The following PHC3 variants were observed in gnomAD, a reference collection of about 807,000 sequenced individuals.
PHC3 encodes polyhomeotic-like protein 3.
Under a neutral mutation model 107.4 loss-of-function variants are expected in PHC3, and 13 were observed. The observed-to-expected ratio is 0.12, with a 90% confidence interval of 0.08 to 0.19. The LOEUF is 0.19. PHC3 is among the 10% of genes least tolerant of loss of function. The pLI is 1.00. For synonymous variants in PHC3, 456 were observed against 427.4 expected (o/e 1.07, Z -0.83); for missense variants, 992 against 1,210.9 (o/e 0.82, Z 2.68).
chr3:170,152,594 T>C (rs1241173543), intron 4 of PHC3, among the ~76,000 whole-genome samples: 2 of 151,984 alleles, frequency 1.3e-5, no homozygotes, highest in African/African-American at 4.8e-5. Context: ...CCATTCCCTC[T>C]CAGTCTTCTT....
intron 4 of PHC3, among the ~76,000 whole-genome samples, chr3:170,162,966 C>A (rs1728128051): frequency 6.8e-6 from 1 of 147,594 alleles, no homozygotes; most frequent in African/African-American, 2.4e-5. Context: ...ATGGCATATT[C>A]CCCCATTGCT....
chr3:170,167,380 T>A (rs1728896699), intron 4 of PHC3, among the ~76,000 whole-genome samples: 1 of 152,230 alleles, frequency 6.6e-6, no homozygotes, highest in South Asian at 2.1e-4. Flanking sequence ...GCTCCCAAAG[T>A]GTTGGGATTA....
rs1464543383 is a variant in PHC3 at position 170,094,623 on chromosome 3, G to A, written c.*2607C>T. On this transcript the variant is annotated 3_prime_UTR_variant, in exon 15 of 15. Transcript: ENST00000495893. Reference sequence around the variant, plus strand: ...TATATATCCATTATATATAGCTGAAGCTTTGAAATTAAGATGATTAACTCA... The same window carrying A: ...TATATATCCATTATATATAGCTGAAACTTTGAAATTAAGATGATTAACTCA... 1 of 152,128 alleles carries A rather than the reference G, an allele frequency of 6.6e-6. No homozygotes were observed. Among genetic ancestry groups the A allele is most frequent in the African/African-American group, 2.4e-5 (1 of 41,434 alleles). 9.4% of individuals were successfully genotyped at this position (152,128 alleles called of 1,614,324 possible).
intron 8 of PHC3, among the ~76,000 whole-genome samples, chr3:170,126,528 A>ATATATATATATATATAT (rs370421296): frequency 3.3e-5 from 3 of 90,636 alleles, no homozygotes; most frequent in African/African-American, 1.3e-4. Context: ...ATATATATAT[A>ATATATATATATATATAT]TTTTTTTTTT....
At chr3:170,098,998 T>C (rs1426004536) in intron 14 of PHC3, among the ~76,000 whole-genome samples, 1 of 152,164 alleles carries the variant, frequency 6.6e-6, no homozygotes, top group Non-Finnish European at 1.5e-5. Context: ...TCCTTCTTTT[T>C]ATGAAAGAAC....
In PHC3 at chr3:170,097,356, T is replaced by C. The variant is rs1422275329; in HGVS notation, c.2862A>G (p.Arg954=). The change falls in exon 15 of 15, where the codon AGA becomes AGG. Residue 954 remains arginine (R), a synonymous_variant. Transcript: ENST00000495893. This position sits in a 1 kb window ranked among gnomAD's most constrained non-coding sequence, Gnocchi z 4.1. ...PGCQDIADEF[R]AQEIDGQALL... Reference sequence around the variant, plus strand: ...GGGCCTGTCCATCAATCTCCTGTGCTCTGAATTCATCTGCGATATCCTGGC... The same window carrying C: ...GGGCCTGTCCATCAATCTCCTGTGCCCTGAATTCATCTGCGATATCCTGGC... 4 of 1,613,092 alleles carry C rather than the reference T, an allele frequency of 2.5e-6. No homozygotes were observed. The highest frequency in any genetic ancestry group is 1.1e-5 in the South Asian group (1 of 91,020).
chr3:170,140,435 G>C (rs1210340643), intron 6 of PHC3, among the ~76,000 whole-genome samples: 1 of 150,910 alleles, frequency 6.6e-6, no homozygotes, highest in East Asian at 2.0e-4. Flanking sequence ...TCTATTTTTA[G>C]TAAAGATGGG....
intron 1 of PHC3, among the ~76,000 whole-genome samples, 167 bp downstream of exon 1, chr3:170,181,535 C>T (rs549318287): frequency 2.6e-5 from 4 of 152,230 alleles, no homozygotes; most frequent in African/African-American, 9.6e-5. Flanking sequence ...AGTTCGTCTT[C>T]GCCCCGCGAC....
intron 4 of PHC3, among the ~76,000 whole-genome samples, chr3:170,152,539 T>G (rs562616248): frequency 6.6e-6 from 1 of 151,828 alleles, no homozygotes; most frequent in Non-Finnish European, 1.5e-5. Context: ...ACCTTAACAA[T>G]AGTCACCAAC....
At chr3:170,128,505 C>G in intron 8 of PHC3, 179 bp downstream of exon 8, 5 of 1,128,406 alleles carry the variant, frequency 4.4e-6, no homozygotes, top group South Asian at 1.7e-5. Context: ...CCACACTAAA[C>G]AAACAATGGC....
intron 5 of PHC3, among the ~76,000 whole-genome samples, chr3:170,146,034 G>A (rs1020213032): frequency 1.4e-4 from 22 of 152,150 alleles, no homozygotes; most frequent in African/African-American, 5.3e-4. Context: ...AGGATCTAAA[G>A]GACAAATCCA....
chr3:170,110,129 T>C (rs1171303099), intron 11 of PHC3, among the ~76,000 whole-genome samples: 2 of 152,082 alleles, frequency 1.3e-5, no homozygotes, highest in African/African-American at 4.8e-5. Context: ...TCCTTCCTCT[T>C]CCTGCCATGA....
chr3:170,104,660 C>A (rs1333849206), intron 12 of PHC3, among the ~76,000 whole-genome samples: 1 of 152,142 alleles, frequency 6.6e-6, no homozygotes, highest in East Asian at 1.9e-4. Context: ...AGTATGCTGA[C>A]ACCAAAACAA....
intron 1 of PHC3, 108 bp from the exon 2 acceptor site, chr3:170,179,046 G>T: frequency 1.8e-6 from 2 of 1,087,830 alleles, no homozygotes; most frequent in Non-Finnish European, 2.7e-6. Context: ...TGCTAGGAAG[G>T]CTCTCATAAA....
chr3:170,114,864 T>A (rs918579974), intron 10 of PHC3, among the ~76,000 whole-genome samples: 2 of 152,226 alleles, frequency 1.3e-5, no homozygotes, highest in Admixed American at 1.3e-4. Flanking sequence ...CTTTAGAGTA[T>A]AATTACTCAC....
At chr3:170,171,329 C>A in intron 4 of PHC3, 44 bp downstream of exon 4, 1 of 1,371,412 alleles carries the variant, frequency 7.3e-7, no homozygotes, top group Non-Finnish European at 1.0e-6. Context: ...GAAAACAATT[C>A]TTTAAAATTT....
Position 170,159,034 on chromosome 3 carries a change from A to G in PHC3, c.415-9790T>C, listed in dbSNP as rs916437562. Among the ~76,000 whole-genome samples, 15 of 152,016 alleles carry G rather than the reference A, an allele frequency of 9.9e-5. No homozygotes were observed. The East Asian group carries it at 1.9e-3, about 20-fold the overall frequency. ...TGGGAGGCCAAGGCGGGCAGATCAC[A>G]AGGTCAGGAGATCGAGACCATCCTG... On this transcript the variant is annotated intron_variant, in intron 4 of 14. Coordinates refer to ENST00000495893, the MANE Select transcript of PHC3 (RefSeq NM_024947.4).
intron 4 of PHC3, among the ~76,000 whole-genome samples, chr3:170,152,476 G>A (rs1280083093): frequency 1.3e-5 from 2 of 150,678 alleles, no homozygotes; most frequent in Admixed American, 6.6e-5. Flanking sequence ...GTGAGCCACC[G>A]TGCCCAGCCT....
intron 5 of PHC3, among the ~76,000 whole-genome samples, chr3:170,146,882 T>C (rs1197805496): frequency 9.1e-5 from 13 of 143,034 alleles, no homozygotes; most frequent in East Asian, 3.9e-4. Flanking sequence ...TTTTTCTTTT[T>C]TTTTTTTTTT....
Sources: allele counts gnomAD v4.1 joint callset (sites outside exome capture counted in the v4.1 genomes callset), GRCh38; gene constraint gnomAD v4.1.1; non-coding constraint Gnocchi (gnomAD v3.1); transcripts MANE v1.5; gene names NCBI Gene and HGNC (gene_info 2026-07-23, HGNC 2026-07-21).